Variants in CDC14A observed in about 807,000 individuals in gnomAD.
The protein encoded by CDC14A is cell division cycle 14A.
CDC14A carries 53 observed loss-of-function variants against 74.4 expected under a neutral mutation model. The ratio of observed to expected loss-of-function variants is 0.71; its 90% CI spans 0.57 to 0.89. CDC14A has a LOEUF of 0.89. Ranked by LOEUF, CDC14A falls within the 40% of genes least tolerant of loss-of-function variation. CDC14A has a pLI of 0.00. For missense variants in CDC14A, 646 were observed against 713.7 expected (o/e 0.91, Z 1.08); for synonymous variants, 247 against 258.4 (o/e 0.96, Z 0.43).
At chr1:100,416,705 T>G (rs1437310447) in intron 4 of CDC14A, among the ~76,000 whole-genome samples, 1 of 152,210 alleles carries the variant, frequency 6.6e-6, no homozygotes, top group Non-Finnish European at 1.5e-5. Context: ...GGACCAAAGT[T>G]TATCTCCTTT....
At chr1:100,470,077 A>C (rs1026953958) in intron 10 of CDC14A, among the ~76,000 whole-genome samples, 3 of 152,240 alleles carry the variant, frequency 2.0e-5, no homozygotes, top group African/African-American at 4.8e-5. Context: ...ATAAACACAG[A>C]GTTCTTAAAG....
intron 7 of CDC14A, among the ~76,000 whole-genome samples, chr1:100,444,324 A>G (rs1360776967): frequency 6.6e-6 from 1 of 152,150 alleles, no homozygotes; most frequent in East Asian, 1.9e-4. Flanking sequence ...TCTCTAACTG[A>G]GCACGGCCCT....
At chr1:100,411,369 T>C (rs901915301) in intron 4 of CDC14A, among the ~76,000 whole-genome samples, 1 of 152,222 alleles carries the variant, frequency 6.6e-6, no homozygotes, top group African/African-American at 2.4e-5. Flanking sequence ...TGGTTCCATC[T>C]CTTTCTCCTT....
intron 10 of CDC14A, among the ~76,000 whole-genome samples, chr1:100,472,241 T>C (rs1668465246): frequency 6.6e-6 from 1 of 152,164 alleles, no homozygotes. Context: ...TTTCTTATCT[T>C]TTGGTACAGC....
chr1:100,460,436 G>A (rs1046718861), intron 8 of CDC14A, among the ~76,000 whole-genome samples: 1 of 152,168 alleles, frequency 6.6e-6, no homozygotes, highest in Non-Finnish European at 1.5e-5. Context: ...TGTGACAGGT[G>A]CTGTCATGGA....
chr1:100,456,433 C>CAA, intron 8 of CDC14A, among the ~76,000 whole-genome samples: 1 of 151,688 alleles, frequency 6.6e-6, no homozygotes, highest in African/African-American at 2.4e-5. Flanking sequence ...AAATATCCCC[C>CAA]CCCCTTTTTT....
chr1:100,499,831 A>G (rs1229146357), intron 15 of CDC14A, among the ~76,000 whole-genome samples: 1 of 152,170 alleles, frequency 6.6e-6, no homozygotes, highest in Non-Finnish European at 1.5e-5. Context: ...AATAAGTGGC[A>G]AGTGGAAGAT....
intron 3 of CDC14A, among the ~76,000 whole-genome samples, chr1:100,385,517 A>C (rs1656714978): frequency 6.6e-6 from 1 of 152,228 alleles, no homozygotes; most frequent in African/African-American, 2.4e-5. Flanking sequence ...GACCAATTCA[A>C]CCTGAGAATT....
At chr1:100,346,403 G>T (rs1200783220) in intron 1 of CDC14A, among the ~76,000 whole-genome samples, 1 of 152,098 alleles carries the variant, frequency 6.6e-6, no homozygotes, top group Admixed American at 6.5e-5. Context: ...GTCGAGGCAG[G>T]AGAAACTGGC....
chr1:100,351,019 C>A (rs928838558), upstream of CDC14A, among the ~76,000 whole-genome samples: 1 of 152,094 alleles, frequency 6.6e-6, no homozygotes, highest in African/African-American at 2.4e-5. Flanking sequence ...CATGGCAAAA[C>A]CCGGTCTCTA....
At chr1:100,516,538 A>T (rs150692717) in intron 15 of CDC14A, among the ~76,000 whole-genome samples, 478 of 152,298 alleles carry the variant, frequency 3.1e-3, no homozygotes, top group African/African-American at 0.011. Flanking sequence ...TTCTCAAGAA[A>T]GCACTAGCTG....
chr1:100,386,562 G>T (rs1656900072), intron 3 of CDC14A, among the ~76,000 whole-genome samples: 1 of 152,072 alleles, frequency 6.6e-6, no homozygotes, highest in South Asian at 2.1e-4. Flanking sequence ...TTGGGAGGCT[G>T]GGGTGAGCAG....
chr1:100,499,120 G>A lies in CDC14A; in HGVS notation c.1613G>A (p.Arg538Lys), dbSNP rs1347384427. ...GAGCTCAACAATAATCAGTACAACA[G>A]AAGCAGCAACAGCAACGGGGGCAAC... Reference protein sequence around the residue: ...YPELNNNQYNRSSNSNGGNLN... With the variant: ...YPELNNNQYNKSSNSNGGNLN... The change falls in exon 15 of 16, where the codon AGA (arginine) becomes AAA (lysine). Residue 538 changes from arginine (R) to lysine (K), a missense_variant. By Grantham distance (26) the Arg-to-Lys change is conservative. Transcript: ENST00000336454. 1 of 1,614,176 alleles carries A rather than the reference G, an allele frequency of 6.2e-7. No homozygotes were observed. Among genetic ancestry groups the A allele is most frequent in the Non-Finnish European group, 8.5e-7 (1 of 1,180,034 alleles).
intron 7 of CDC14A, among the ~76,000 whole-genome samples, chr1:100,448,039 G>C (rs1665746862): frequency 6.6e-6 from 1 of 152,180 alleles, no homozygotes; most frequent in African/African-American, 2.4e-5. Flanking sequence ...GCAGTGTCCT[G>C]TTCTTAGTTG....
intron 10 of CDC14A, chr1:100,480,803 A>G (rs1365170059): frequency 6.6e-6 from 1 of 152,244 alleles, no homozygotes; most frequent in Non-Finnish European, 1.5e-5. Context: ...ATGACACTCC[A>G]ATGATCTAGC....
chr1:100,364,037 G>A (rs868209154), intron 2 of CDC14A, among the ~76,000 whole-genome samples: 6 of 152,172 alleles, frequency 3.9e-5, no homozygotes, highest in Non-Finnish European at 7.4e-5. Flanking sequence ...GCTGAGGTGG[G>A]AGGATCACTT....
chr1:100,442,593 C>T (rs928605672), intron 6 of CDC14A, among the ~76,000 whole-genome samples: 2 of 151,586 alleles, frequency 1.3e-5, no homozygotes, highest in African/African-American at 4.8e-5. Context: ...TCTATTCTGT[C>T]ATAGTTAGGT....
chr1:100,435,026 T>C (rs1215378185), intron 5 of CDC14A, among the ~76,000 whole-genome samples: 1 of 152,216 alleles, frequency 6.6e-6, no homozygotes, highest in Non-Finnish European at 1.5e-5. Context: ...TTTGGCCTAC[T>C]GAATTAGAAA....
chr1:100,488,844 C>T (rs928621537), intron 11 of CDC14A, among the ~76,000 whole-genome samples: 2 of 152,146 alleles, frequency 1.3e-5, no homozygotes, highest in South Asian at 2.1e-4. Context: ...TTTTAAGCAC[C>T]TTTCTTTCCC....
Sources: allele counts gnomAD v4.1 joint callset (sites outside exome capture counted in the v4.1 genomes callset), GRCh38; gene constraint gnomAD v4.1.1; transcripts MANE v1.5; gene names NCBI Gene and HGNC (gene_info 2026-07-23, HGNC 2026-07-21).